MAF: variants seen among roughly 807,000 people sequenced by gnomAD.
MAF encodes transcription factor Maf.
A neutral mutation model predicts 22.0 loss-of-function variants in MAF; 10 were observed. The observed-to-expected ratio is 0.45, with a 90% confidence interval of 0.28 to 0.77. The LOEUF (loss-of-function observed/expected upper bound fraction) is 0.77, where lower values mean the gene tolerates loss of function less well. MAF is among the 30% of genes least tolerant of loss of function. MAF has a pLI of 0.12. For missense variants in MAF, 544 were observed against 548.4 expected (o/e 0.99, Z 0.08); for synonymous variants, 337 against 255.8 (o/e 1.32, Z -3.03).
chr16:79,377,257 C>T, the MAF span, among the ~76,000 whole-genome samples: 71 of 152,292 alleles, frequency 4.7e-4, no homozygotes, highest in African/African-American at 1.4e-3. Flanking sequence ...TTTTGATTTG[C>T]GTTTCTCTGA....
At chr16:79,545,166 C>G in the MAF span, among the ~76,000 whole-genome samples, 2 of 152,152 alleles carry the variant, frequency 1.3e-5, no homozygotes, top group African/African-American at 2.4e-5. Flanking sequence ...AAATTATATC[C>G]TTAAATAATG....
At chr16:79,474,190 G>T in the MAF span, among the ~76,000 whole-genome samples, 2 of 152,122 alleles carry the variant, frequency 1.3e-5, no homozygotes, top group Admixed American at 1.3e-4. Context: ...AAGCTCAAGG[G>T]CTACCCCCTC....
the MAF span, among the ~76,000 whole-genome samples, chr16:79,297,387 G>A: frequency 1.3e-4 from 20 of 152,176 alleles, no homozygotes; most frequent in African/African-American, 4.8e-4. Context: ...CTGTGGGCAA[G>A]GCTTGATGCT....
the MAF span, among the ~76,000 whole-genome samples, chr16:79,305,669 G>A: frequency 1.3e-5 from 2 of 152,276 alleles, no homozygotes; most frequent in African/African-American, 2.4e-5. Context: ...ATAAGACATC[G>A]CTTTGAACCT....
At chr16:79,249,049 A>C in the MAF span, among the ~76,000 whole-genome samples, 1 of 152,320 alleles carries the variant, frequency 6.6e-6, no homozygotes, top group East Asian at 1.9e-4. Flanking sequence ...CCAGTGCAAT[A>C]GTATTGAGAG....
chr16:79,575,362 C>A, the MAF span, among the ~76,000 whole-genome samples: 1 of 152,188 alleles, frequency 6.6e-6, no homozygotes, highest in South Asian at 2.1e-4. Flanking sequence ...TAAGAGGAGA[C>A]AGTCAGCTAT....
At chr16:79,401,828 G>A in the MAF span, among the ~76,000 whole-genome samples, 1 of 152,172 alleles carries the variant, frequency 6.6e-6, no homozygotes, top group Non-Finnish European at 1.5e-5. Context: ...GATGAAATGT[G>A]TATCCCCAAG....
chr16:79,509,296 T>C, the MAF span, among the ~76,000 whole-genome samples: 11 of 152,296 alleles, frequency 7.2e-5, 1 homozygote, highest in South Asian at 4.1e-4. Flanking sequence ...CAAAGCCCTC[T>C]AGGCCCTGGT....
chr16:79,337,301 G>C, the MAF span, among the ~76,000 whole-genome samples: 1 of 152,174 alleles, frequency 6.6e-6, no homozygotes, highest in Admixed American at 6.5e-5. Flanking sequence ...GTCAGGCATG[G>C]TGGCTCACAC....
chr16:79,227,476 T>C, the MAF span, among the ~76,000 whole-genome samples: 2 of 152,102 alleles, frequency 1.3e-5, no homozygotes, highest in Non-Finnish European at 2.9e-5. Context: ...AGACTTTTTT[T>C]CCACTTGAGT....
chr16:79,587,706 AG>A (rs1227886487), intron 1 of MAF, among the ~76,000 whole-genome samples: 1 of 151,912 alleles, frequency 6.6e-6, no homozygotes, highest in Non-Finnish European at 1.5e-5. Context: ...TTATTTTTGG[AG>A]GAAAAAAAAC....
At chr16:79,364,545 G>C in the MAF span, among the ~76,000 whole-genome samples, 12,976 of 152,240 alleles carry the variant, frequency 0.085, 630 homozygotes, top group Non-Finnish European at 0.12. Context: ...GGGACAGGAA[G>C]TCATGGACAC....
At chr16:79,418,271 G>A in the MAF span, among the ~76,000 whole-genome samples, 1 of 152,074 alleles carries the variant, frequency 6.6e-6, no homozygotes, top group Admixed American at 6.5e-5. Flanking sequence ...AAAATAAATA[G>A]GCATTTCTCA....
At chr16:79,270,877 G>T in the MAF span, among the ~76,000 whole-genome samples, 1 of 150,182 alleles carries the variant, frequency 6.7e-6, no homozygotes, top group East Asian at 2.0e-4. Flanking sequence ...CCTCTAATTT[G>T]TGAGTACAAA....
chr16:79,305,641 C>A, the MAF span, among the ~76,000 whole-genome samples: 5 of 152,112 alleles, frequency 3.3e-5, no homozygotes, highest in Non-Finnish European at 5.9e-5. Context: ...AAATTGGATA[C>A]AATTTGGGGG....
the MAF span, among the ~76,000 whole-genome samples, chr16:79,526,639 C>T: frequency 6.6e-6 from 1 of 151,996 alleles, no homozygotes; most frequent in East Asian, 1.9e-4. Context: ...AACAGGCTTT[C>T]CGGGGCAAAA....
chr16:79,581,031 G>A (rs1912484620), downstream of MAF, among the ~76,000 whole-genome samples: 1 of 152,120 alleles, frequency 6.6e-6, no homozygotes, highest in Non-Finnish European at 1.5e-5. Context: ...GCTGAGAGAA[G>A]AGAGATGCCA....
intron 1 of MAF, chr16:79,595,517 G>A: frequency 8.5e-6 from 9 of 1,059,924 alleles, no homozygotes; most frequent in Non-Finnish European, 1.0e-5. Context: ...GGTGTGCTAG[G>A]GGAAGATGAC....
At chr16:79,301,010 A>C in the MAF span, among the ~76,000 whole-genome samples, 1 of 152,044 alleles carries the variant, frequency 6.6e-6, no homozygotes, top group African/African-American at 2.4e-5. Context: ...AAGAGAGGAA[A>C]GGGAGGGGAC....
Sources: allele counts gnomAD v4.1 joint callset (sites outside exome capture counted in the v4.1 genomes callset), GRCh38; gene constraint gnomAD v4.1.1; transcripts MANE v1.5; gene names NCBI Gene and HGNC (gene_info 2026-07-23, HGNC 2026-07-21).